Variants in ZNF675 observed in about 807,000 individuals in gnomAD.
The protein encoded by ZNF675 is TRAF6 inhibitory zinc finger.
In ZNF675, 36 loss-of-function variants were observed where a neutral mutation model predicts 56.1. The ratio of observed to expected loss-of-function variants is 0.64; its 90% CI spans 0.49 to 0.85. The LOEUF (loss-of-function observed/expected upper bound fraction) is 0.85. Ranked by LOEUF, ZNF675 falls within the 40% of genes least tolerant of loss-of-function variation. The pLI, the probability that ZNF675 is intolerant of heterozygous loss-of-function variation, is 0.00. For synonymous variants in ZNF675, 200 were observed against 218.9 expected (o/e 0.91, Z 0.76); for missense variants, 663 against 654.2 (o/e 1.01, Z -0.15).
At chr19:23,677,934 A>G (rs1241504195) in intron 1 of ZNF675, among the ~76,000 whole-genome samples, 1 of 151,590 alleles carries the variant, frequency 6.6e-6, no homozygotes, top group Non-Finnish European at 1.5e-5. Flanking sequence ...AGCCTGACCA[A>G]CATAGAGAAA....
intron 1 of ZNF675, among the ~76,000 whole-genome samples, chr19:23,667,140 C>A (rs2093167355): frequency 6.6e-6 from 1 of 152,134 alleles, no homozygotes; most frequent in East Asian, 1.9e-4. Context: ...AGGAGTGAAG[C>A]TGCAGACCTT....
chr19:23,676,803 G>C (rs1464829991), intron 1 of ZNF675, among the ~76,000 whole-genome samples: 1 of 150,582 alleles, frequency 6.6e-6, no homozygotes, highest in South Asian at 2.1e-4. Flanking sequence ...GGCCGGGCGC[G>C]GTGGCTCACG....
intron 1 of ZNF675, among the ~76,000 whole-genome samples, chr19:23,666,918 T>C (rs879915873): frequency 3.4e-5 from 5 of 148,708 alleles, no homozygotes; most frequent in Admixed American, 6.6e-5. Flanking sequence ...TTTCGTCTGT[T>C]TGTTTTTCTG....
intron 3 of ZNF675, chr19:23,656,721 C>A (rs1182546863): frequency 8.0e-6 from 1 of 125,492 alleles, no homozygotes; most frequent in Non-Finnish European, 1.7e-5. Context: ...TATTATATCA[C>A]CTGAAGTAAG....
At chr19:23,662,674 C>T (rs529038104) in intron 2 of ZNF675, among the ~76,000 whole-genome samples, 16 of 152,074 alleles carry the variant, frequency 1.1e-4, no homozygotes, top group African/African-American at 3.1e-4. Flanking sequence ...GAAACCTTTA[C>T]GGTATATTAG....
At chr19:23,674,617 CA>C (rs11461935) in intron 1 of ZNF675, among the ~76,000 whole-genome samples, 10 of 142,582 alleles carry the variant, frequency 7.0e-5, no homozygotes, top group African/African-American at 7.9e-5. Context: ...GACTCCGTCT[CA>C]AAAAAAAAAA....
At chr19:23,656,067 G>A (rs1267743114) in intron 3 of ZNF675, 1 of 109,648 alleles carries the variant, frequency 9.1e-6, no homozygotes, top group Non-Finnish European at 2.0e-5. Flanking sequence ...TCCAGCCTGA[G>A]TGACACAGTA....
At chr19:23,681,744 G>A (rs1436425357) in intron 1 of ZNF675, among the ~76,000 whole-genome samples, 1 of 151,686 alleles carries the variant, frequency 6.6e-6, no homozygotes. Flanking sequence ...TTTAATAACT[G>A]GGGACTCCCA....
intron 3 of ZNF675, chr19:23,655,855 TC>T (rs1312988374): frequency 6.6e-6 from 1 of 152,198 alleles, no homozygotes; most frequent in Non-Finnish European, 1.5e-5. Context: ...GCCTATAATC[TC>T]AACACTTTGG....
rs1320279022 is a variant in ZNF675, at chr19:23,653,255, C to T, written c.1678G>A (p.Gly560Arg). ...NLTKHKKIHT[G>R]EKLQNWNV ...ACATTCCAGTTCTGTAGTTTCTCTC[C>T]AGTATGTATTTTTTTATGTTTAGTA... The change falls in exon 4 of 4, where the codon GGA (glycine) becomes AGA (arginine). Residue 560 changes from glycine to arginine, a missense_variant. Gly to Arg is a moderately radical substitution (Grantham distance 125). Around this residue, in one of 3 missense-constraint regions of ZNF675, gnomAD observed 617 missense variants for 590.5 expected, o/e 1.04. Transcript: ENST00000359788. 6.2e-7 allele frequency: 1 copy of T among 1,607,980 alleles called. No individual in the cohort carries two copies. Among genetic ancestry groups the T allele is most frequent in the African/African-American group, 1.3e-5 (1 of 74,646 alleles).
In ZNF675 at chr19:23,654,521, T is replaced by G; in HGVS notation, c.412A>C (p.Thr138Pro). 1 of 1,605,542 alleles carries G rather than the reference T, an allele frequency of 6.2e-7. No homozygotes were observed. The highest frequency in any genetic ancestry group is 8.5e-7 in the Non-Finnish European group (1 of 1,176,036). The change falls in exon 4 of 4, where the codon ACT (threonine) becomes CCT (proline). Residue 138 changes from threonine (T) to proline (P), a missense_variant. Around this residue, in one of 3 missense-constraint regions of ZNF675, gnomAD observed 617 missense variants for 590.5 expected, o/e 1.04. Coordinates refer to ENST00000359788, the MANE Select transcript of ZNF675 (RefSeq NM_138330.3). The stretch of plus-strand genomic sequence containing the variant: ...CATTGAAACATTTTGCTCTGCATAG[T>G]TGGTAAACATTGGTTAAGTCCATTA... Reference protein sequence around the residue: ...GYNGLNQCLPTMQSKMFQCDK... With the variant: ...GYNGLNQCLPPMQSKMFQCDK...
rs144248773 is a variant in ZNF675, at chr19:23,686,740, G to C, written c.3+291C>G. ...GATTCTCCGGTGACGGCCCTCCTGTGGTCCCTGCACAATCTGAGAGAAATG... is the reference window on the plus strand; with the variant it reads ...GATTCTCCGGTGACGGCCCTCCTGTCGTCCCTGCACAATCTGAGAGAAATG... On this transcript the variant is annotated intron_variant, in intron 1 of 3. Transcript: ENST00000359788. 5.9e-5 allele frequency among the ~76,000 whole-genome samples: 9 copies of C among 152,300 alleles called. No individual in the cohort carries two copies. The East Asian group carries it at 1.7e-3, about 29-fold the overall frequency.
intron 1 of ZNF675, among the ~76,000 whole-genome samples, chr19:23,666,226 C>G (rs2144933601): frequency 6.6e-6 from 1 of 152,218 alleles, no homozygotes; most frequent in Non-Finnish European, 1.5e-5. Context: ...ATTGGCTGTC[C>G]ACAACCATTC....
At chr19:23,681,938 T>C (rs747142423) in intron 1 of ZNF675, among the ~76,000 whole-genome samples, 10 of 151,828 alleles carry the variant, frequency 6.6e-5, no homozygotes, top group Admixed American at 3.3e-4. Flanking sequence ...TAAAGAGCTA[T>C]GATTAATAAA....
intron 1 of ZNF675, among the ~76,000 whole-genome samples, chr19:23,682,834 A>G (rs1305991809): frequency 1.3e-5 from 2 of 151,768 alleles, no homozygotes; most frequent in African/African-American, 2.4e-5. Context: ...CCTCTGTAAG[A>G]AAACCAAAAG....
At chr19:23,665,807 G>A (rs1968143856) in intron 1 of ZNF675, among the ~76,000 whole-genome samples, 1 of 152,124 alleles carries the variant, frequency 6.6e-6, no homozygotes, top group Non-Finnish European at 1.5e-5. Context: ...CCATTAATGG[G>A]TATTTTAAAC....
At position 23,662,933 on chromosome 19, in the gene ZNF675, A is replaced by C. The variant is rs141077702; in HGVS notation, c.130+99T>G. On this transcript the variant is annotated intron_variant, in intron 2 of 3. Transcript: ENST00000359788. ...CAGGAGGCGGAGGTTGCAGTGAGCC[A>C]AGATCGCACCACTGCACTCTAGCCT... 9.5e-5 allele frequency: 112 copies of C among 1,176,588 alleles called. No individual in the cohort carries two copies. In the African/African-American group the frequency reaches 1.4e-3, roughly 15 times the overall value. The allele number at this position is 1,176,588 out of a possible 1,614,324, so 72.9% of individuals were successfully genotyped here. A position where few individuals can be genotyped will look rare whatever the true frequency, so the allele number is the denominator to read the frequency against.
At position 23,654,700 on chromosome 19, in the gene ZNF675, C is replaced by T. The variant is rs1211607130; in HGVS notation, c.233G>A (p.Cys78Tyr). The T allele has an allele frequency of 6.6e-7, 1 of 1,522,336 alleles. No individual in the cohort carries two copies. Among genetic ancestry groups the T allele is most frequent in the South Asian group, 1.4e-5 (1 of 73,940 alleles). 94.3% of individuals were successfully genotyped at this position (1,522,336 alleles called of 1,614,324 possible). ...HEMVNEPPVMCSHFAQEFWPE... is the reference protein window; with the variant it reads ...HEMVNEPPVMYSHFAQEFWPE... ...CCAAAACTCTTGGGCAAAATGAGAACACATTACTGAAAGAAATAAAAATAA... is the reference window on the plus strand; with the variant it reads ...CCAAAACTCTTGGGCAAAATGAGAATACATTACTGAAAGAAATAAAAATAA... Residue 78 changes from cysteine to tyrosine, a missense_variant, in exon 4 of 4, where the codon TGT becomes TAT. Cys to Tyr is a radical substitution (Grantham distance 194). Transcript: ENST00000359788.
intron 2 of ZNF675, among the ~76,000 whole-genome samples, chr19:23,662,619 T>C (rs1449153601): frequency 6.6e-6 from 1 of 152,212 alleles, no homozygotes; most frequent in African/African-American, 2.4e-5. Context: ...AACTCATTTA[T>C]GCAAAGCATA....
Sources: gnomAD v4.1 joint callset for allele counts (sites outside exome capture counted in the v4.1 genomes callset) on GRCh38, gnomAD v4.1.1 for gene constraint, gnomAD v4.1.1 regional missense constraint, MANE v1.5 for transcripts, NCBI Gene and HGNC (gene_info 2026-07-23, HGNC 2026-07-21) for gene names.